The following CHST11 variants were observed in gnomAD, a reference collection of about 807,000 sequenced individuals.
CHST11 encodes the protein carbohydrate sulfotransferase 11, also known as C4S-1.
CHST11 carries 9 observed loss-of-function variants against 30.4 expected under a neutral mutation model. The observed-to-expected ratio is 0.30, with a 90% CI of 0.18 to 0.52. CHST11 has a LOEUF of 0.52. Ranked by LOEUF, CHST11 falls within the 20% of genes least tolerant of loss-of-function variation. The pLI, the probability that CHST11 is intolerant of heterozygous loss-of-function variation, is 0.97. For missense variants in CHST11, 348 were observed against 460.6 expected (o/e 0.76, Z 2.24); for synonymous variants, 152 against 187.8 (o/e 0.81, Z 1.56).
At chr12:104,726,499 A>G (rs2040217670) in intron 2 of CHST11, among the ~76,000 whole-genome samples, 2 of 152,036 alleles carry the variant, frequency 1.3e-5, no homozygotes, top group South Asian at 2.1e-4. Flanking sequence ...CTAAAAATAG[A>G]CTCTTTCCAC....
chr12:104,650,901 T>G (rs1027199839), intron 2 of CHST11, among the ~76,000 whole-genome samples: 5 of 152,346 alleles, frequency 3.3e-5, no homozygotes, highest in African/African-American at 1.2e-4. Context: ...TGGATTTGCA[T>G]CCTGCCCTCT....
At position 104,482,910 on chromosome 12, in the gene CHST11, A is replaced by G. The variant is rs375433149; in HGVS notation, c.118+25381A>G. Among the ~76,000 whole-genome samples the G allele has an allele frequency of 3.3e-5, 5 of 152,268 alleles. No homozygotes were observed. The East Asian group carries it at 9.6e-4, about 29-fold the overall frequency. The stretch of plus-strand genomic sequence containing the variant: ...GAAGTCTCTGCTTACTTTTTGGAAC[A>G]GATGGTGGTTCTCATAGACTTGGCC... On this transcript the variant is annotated intron_variant, in intron 1 of 2. Transcript: ENST00000303694.
chr12:104,718,920 C>T (rs752591708), intron 2 of CHST11, among the ~76,000 whole-genome samples: 16 of 152,202 alleles, frequency 1.1e-4, no homozygotes, highest in Non-Finnish European at 2.2e-4. Context: ...TTACTGAAGG[C>T]TTGAACAGTA....
In CHST11 at chr12:104,618,940, T is replaced by G. The variant is rs1035207555; in HGVS notation, c.204+16949T>G. The stretch of plus-strand genomic sequence containing the variant: ...GACCTGAATTCCTTTGATTCTTAAT[T>G]TACTGGTCTTTAAGTCAAGATGAAA... On this transcript the variant is annotated intron_variant, in intron 2 of 2. Coordinates refer to ENST00000303694, the MANE Select transcript of CHST11 (RefSeq NM_018413.6). Among the ~76,000 whole-genome samples, 45 of 152,220 alleles carry G rather than the reference T, an allele frequency of 3.0e-4. 1 individual carries two copies. The highest frequency in any genetic ancestry group is 9.6e-4 in the African/African-American group (40 of 41,458).
intron 1 of CHST11, among the ~76,000 whole-genome samples, chr12:104,489,037 CT>C (rs559609478): frequency 4.0e-5 from 6 of 149,594 alleles, no homozygotes; most frequent in Admixed American, 6.7e-5. Flanking sequence ...TCTTCTTCCT[CT>C]TTTTTTTTTC....
chr12:104,633,981 T>C (rs1164763), intron 2 of CHST11, among the ~76,000 whole-genome samples: 109,781 of 152,012 alleles, frequency 0.72, 39,805 homozygotes, highest in East Asian at 0.82. Flanking sequence ...CCTATTCCCT[T>C]CCCTTGACTT....
intron 2 of CHST11, among the ~76,000 whole-genome samples, chr12:104,610,955 G>A (rs906680245): frequency 6.6e-6 from 1 of 152,198 alleles, no homozygotes; most frequent in Non-Finnish European, 1.5e-5. Context: ...CAGGCACATG[G>A]CAAGATGCCC....
rs764698900 is a variant in CHST11 at position 104,757,730 on chromosome 12, A to T, written c.986A>T (p.Gln329Leu). 6.2e-6 allele frequency: 10 copies of T among 1,614,084 alleles called. No individual in the cohort carries two copies. The highest frequency in any genetic ancestry group is 8.5e-6 in the Non-Finnish European group (10 of 1,180,050). Reference protein sequence around the residue: ...FQNISSEHQTQLYEVYKLDFL... With the variant: ...FQNISSEHQTLLYEVYKLDFL... The stretch of plus-strand genomic sequence containing the variant: ...AACATCAGCTCAGAGCACCAAACGC[A>T]GCTGTACGAAGTCTACAAACTCGAT... Residue 329 changes from glutamine to leucine, a missense_variant, in exon 3 of 3, where the codon CAG becomes CTG. Physicochemically the swap from Gln to Leu is moderately radical, Grantham distance 113 (BLOSUM62 -2). Coordinates refer to ENST00000303694, the MANE Select transcript of CHST11 (RefSeq NM_018413.6). This position sits in a 1 kb window ranked among gnomAD's most constrained non-coding sequence, Gnocchi z 6.5.
intron 2 of CHST11, among the ~76,000 whole-genome samples, chr12:104,736,018 C>T (rs1271180722): frequency 6.6e-6 from 1 of 152,108 alleles, no homozygotes; most frequent in African/African-American, 2.4e-5. Flanking sequence ...GCCTAGGTAC[C>T]TGGCAGGGAA....
chr12:104,495,329 A>C (rs745464577), intron 1 of CHST11, among the ~76,000 whole-genome samples: 1 of 152,120 alleles, frequency 6.6e-6, no homozygotes, highest in Non-Finnish European at 1.5e-5. Flanking sequence ...CTTTTGAAAG[A>C]ATTGAAAGAA....
chr12:104,487,263 T>TTTTTG (rs2037688910), intron 1 of CHST11, among the ~76,000 whole-genome samples: 1 of 152,172 alleles, frequency 6.6e-6, no homozygotes, highest in Non-Finnish European at 1.5e-5. Flanking sequence ...GGTTTTTCTT[T>TTTTTG]TTTTGTTTTG....
chr12:104,489,981 A>G (rs2037729334), intron 1 of CHST11, among the ~76,000 whole-genome samples: 1 of 152,178 alleles, frequency 6.6e-6, no homozygotes, highest in Non-Finnish European at 1.5e-5. Flanking sequence ...ACAAACATTC[A>G]TGCAGCTTCT....
At chr12:104,558,215 A>G (rs962324360) in intron 1 of CHST11, among the ~76,000 whole-genome samples, 1 of 152,002 alleles carries the variant, frequency 6.6e-6, no homozygotes, top group Non-Finnish European at 1.5e-5. Flanking sequence ...GCTGGTGGGC[A>G]TGCCAGGGCC....
intron 1 of CHST11, among the ~76,000 whole-genome samples, chr12:104,540,229 T>C (rs1253354589): frequency 1.3e-5 from 2 of 152,314 alleles, no homozygotes; most frequent in Non-Finnish European, 2.9e-5. Flanking sequence ...CTCATGAATA[T>C]GGAGGCTGAT....
rs56383997 is a variant in CHST11 at position 104,488,740 on chromosome 12, CGTGTGTGTGTGTGTGTGT to C, written c.118+31226_118+31243del. 2.1e-5 allele frequency among the ~76,000 whole-genome samples: 3 copies of C among 145,756 alleles called. No homozygotes were observed. In the East Asian group the frequency reaches 6.1e-4, roughly 30 times the overall value. ...GTGCGTGTATGTGTGTATGTGTACG[CGTGTGTGTGTGTGTGTGT>C]GTGTGTGTGTGTGTCTATACACATA... On this transcript the variant is annotated intron_variant, in intron 1 of 2. Transcript: ENST00000303694.
intron 1 of CHST11, among the ~76,000 whole-genome samples, chr12:104,516,760 C>T (rs916398500): frequency 1.3e-5 from 2 of 151,840 alleles, no homozygotes; most frequent in African/African-American, 4.8e-5. Flanking sequence ...AAAGGCATGC[C>T]TTGCTGTAAA....
intron 2 of CHST11, among the ~76,000 whole-genome samples, chr12:104,632,469 G>T (rs2039280006): frequency 6.6e-6 from 1 of 152,198 alleles, no homozygotes; most frequent in Admixed American, 6.5e-5. Context: ...TACAAGAGGA[G>T]CCTGGTCTCC....
At chr12:104,680,320 C>T (rs1182943594) in intron 2 of CHST11, among the ~76,000 whole-genome samples, 1 of 152,254 alleles carries the variant, frequency 6.6e-6, no homozygotes, top group Non-Finnish European at 1.5e-5. Context: ...CAGGGACATA[C>T]TGAGGCAGAG....
intron 1 of CHST11, among the ~76,000 whole-genome samples, chr12:104,544,840 C>T (rs557137696): frequency 7.2e-6 from 1 of 139,488 alleles, no homozygotes; most frequent in Non-Finnish European, 1.5e-5. Context: ...AAGTCATTTT[C>T]GCTTCCCTCT....
Sources: gnomAD v4.1 joint callset for allele counts (sites outside exome capture counted in the v4.1 genomes callset) on GRCh38, gnomAD v4.1.1 for gene constraint, Gnocchi (gnomAD v3.1) non-coding constraint, MANE v1.5 for transcripts, NCBI Gene and HGNC (gene_info 2026-07-23, HGNC 2026-07-21) for gene names.